PHACTR1: variants seen among roughly 807,000 people sequenced by gnomAD.
PHACTR1 encodes phosphatase and actin regulator 1.
Under a neutral mutation model 69.2 loss-of-function variants are expected in PHACTR1, and 16 were observed. That is an observed-to-expected ratio of 0.23 (90% CI 0.16 to 0.35). PHACTR1 has a LOEUF of 0.35. Ranked by LOEUF, PHACTR1 falls within the 10% of genes least tolerant of loss-of-function variation. PHACTR1 has a pLI of 1.00. For synonymous variants in PHACTR1, 312 were observed against 284.5 expected, an observed-to-expected ratio of 1.10 and a Z score of -0.97; for missense variants, 510 against 734.7, an observed-to-expected ratio of 0.69 and a Z score of 3.54.
intron 4 of PHACTR1, among the ~76,000 whole-genome samples, chr6:12,922,177 TTATTGGCA>T (rs944012515): frequency 1.1e-4 from 16 of 152,170 alleles, no homozygotes; most frequent in African/African-American, 3.9e-4. Flanking sequence ...GGGTTGCCTT[TTATTGGCA>T]GTATGACCTC....
At chr6:13,231,160 AGAGCGAAAGAGGAG>A (rs1771003731) in intron 10 of PHACTR1, among the ~76,000 whole-genome samples, 1 of 146,274 alleles carries the variant, frequency 6.8e-6, no homozygotes, top group African/African-American at 2.6e-5. Flanking sequence ...GGAAAGAGAA[AGAGCGAAAGAGGAG>A]GAGGGAGGGA....
At chr6:12,822,572 G>A (rs1346313332) in intron 4 of PHACTR1, among the ~76,000 whole-genome samples, 1 of 152,090 alleles carries the variant, frequency 6.6e-6, no homozygotes, top group Non-Finnish European at 1.5e-5. Context: ...TATGTTCCTC[G>A]CCCCAGGCCT....
chr6:13,196,321 A>G (rs1764407476), intron 7 of PHACTR1, among the ~76,000 whole-genome samples: 1 of 152,104 alleles, frequency 6.6e-6, no homozygotes, highest in Non-Finnish European at 1.5e-5. Flanking sequence ...CTTTAGAGGT[A>G]AAGAGACAAA....
chr6:13,050,247 T>C (rs1234697444), intron 4 of PHACTR1, among the ~76,000 whole-genome samples: 1 of 152,252 alleles, frequency 6.6e-6, no homozygotes, highest in African/African-American at 2.4e-5. Flanking sequence ...TCTTTTTTTA[T>C]TCCTTGTCGT....
chr6:13,032,342 T>C (rs187118702), intron 4 of PHACTR1, among the ~76,000 whole-genome samples: 28 of 152,360 alleles, frequency 1.8e-4, no homozygotes, highest in African/African-American at 6.0e-4. Context: ...AATGTGCTTT[T>C]ATTCTCTTCT....
intron 6 of PHACTR1, among the ~76,000 whole-genome samples, chr6:13,172,519 G>A (rs576025379): frequency 1.3e-5 from 2 of 152,304 alleles, no homozygotes; most frequent in African/African-American, 4.8e-5. Flanking sequence ...ATGGTTTATT[G>A]ACCATGAGGT....
chr6:12,933,148 C>T (rs974882537), intron 4 of PHACTR1, among the ~76,000 whole-genome samples: 1 of 151,998 alleles, frequency 6.6e-6, no homozygotes, highest in African/African-American at 2.4e-5. Flanking sequence ...GTTGGCCAGG[C>T]TGGTCTTGAA....
chr6:13,160,046 CAT>C (rs1425485648), intron 5 of PHACTR1, among the ~76,000 whole-genome samples, 156 bp from the exon 6 acceptor site: 3 of 152,194 alleles, frequency 2.0e-5, no homozygotes, highest in African/African-American at 7.2e-5. Flanking sequence ...AGTATCAAAA[CAT>C]ATTAACTGGT....
intron 5 of PHACTR1, among the ~76,000 whole-genome samples, chr6:13,088,113 C>A (rs1195788561): frequency 1.3e-5 from 2 of 152,122 alleles, no homozygotes; most frequent in Non-Finnish European, 2.9e-5. Flanking sequence ...AAATAAGACA[C>A]AATTCCCGCA....
intron 8 of PHACTR1, among the ~76,000 whole-genome samples, chr6:13,213,667 A>G (rs1767221995): frequency 6.6e-6 from 1 of 152,160 alleles, no homozygotes; most frequent in African/African-American, 2.4e-5. Context: ...GAACGACATT[A>G]AGACCCTTGT....
At chr6:13,167,003 C>T (rs1385330650) in intron 6 of PHACTR1, among the ~76,000 whole-genome samples, 2 of 152,150 alleles carry the variant, frequency 1.3e-5, no homozygotes, top group African/African-American at 4.8e-5. Flanking sequence ...TCACACTTGG[C>T]GAGGATCTCA....
intron 4 of PHACTR1, among the ~76,000 whole-genome samples, chr6:12,821,319 C>G (rs1776172951): frequency 6.6e-6 from 1 of 152,020 alleles, no homozygotes; most frequent in Admixed American, 6.6e-5. Flanking sequence ...AAAAATTAGC[C>G]AGGCACAGTA....
At chr6:12,979,010 G>A (rs918321282) in intron 4 of PHACTR1, among the ~76,000 whole-genome samples, 3 of 152,154 alleles carry the variant, frequency 2.0e-5, no homozygotes, top group African/African-American at 7.2e-5. Flanking sequence ...CCCTAGCACT[G>A]TTTTGTCCTT....
At chr6:13,007,335 T>C (rs1798908018) in intron 4 of PHACTR1, among the ~76,000 whole-genome samples, 1 of 152,222 alleles carries the variant, frequency 6.6e-6, no homozygotes, top group South Asian at 2.1e-4. Flanking sequence ...TCTATAAATC[T>C]CATTTAGAAT....
At chr6:13,213,651 C>T (rs1321338179) in intron 8 of PHACTR1, among the ~76,000 whole-genome samples, 1 of 152,138 alleles carries the variant, frequency 6.6e-6, no homozygotes, top group African/African-American at 2.4e-5. Flanking sequence ...AGGGCTCCTC[C>T]CTCATGAACG....
chr6:13,238,622 A>G (rs570222549), intron 10 of PHACTR1, among the ~76,000 whole-genome samples: 1 of 152,340 alleles, frequency 6.6e-6, no homozygotes, highest in South Asian at 2.1e-4. Flanking sequence ...CACAGGCAAT[A>G]AAATACAGTA....
chr6:12,830,504 C>T (rs911502044), intron 4 of PHACTR1, among the ~76,000 whole-genome samples: 1 of 151,884 alleles, frequency 6.6e-6, no homozygotes, highest in Non-Finnish European at 1.5e-5. Context: ...AAGAGCCTTC[C>T]CACCAGTCTA....
intron 5 of PHACTR1, among the ~76,000 whole-genome samples, chr6:13,115,581 G>C (rs1299133226): frequency 6.6e-6 from 1 of 152,140 alleles, no homozygotes; most frequent in African/African-American, 2.4e-5. Context: ...CAGGAAACAG[G>C]AATGAGGCAA....
chr6:13,071,084 G>A (rs1321810264), intron 5 of PHACTR1, among the ~76,000 whole-genome samples: 3 of 152,062 alleles, frequency 2.0e-5, no homozygotes, highest in African/African-American at 4.8e-5. Flanking sequence ...TTGGGTGAAG[G>A]CAATTTGTGA....
Sources: gnomAD v4.1 joint callset for allele counts (sites outside exome capture counted in the v4.1 genomes callset) on GRCh38, gnomAD v4.1.1 for gene constraint, MANE v1.5 for transcripts, NCBI Gene and HGNC (gene_info 2026-07-23, HGNC 2026-07-21) for gene names.